Variants in MCUB observed in about 807,000 individuals in gnomAD.
MCUB encodes the protein mitochondrial calcium uniporter dominant negative subunit beta.
A neutral mutation model predicts 41.4 loss-of-function variants in MCUB; 46 were observed. The ratio of observed to expected loss-of-function variants is 1.11; its 90% confidence interval spans 0.88 to 1.42. The LOEUF is 1.42. Ranked by LOEUF, MCUB falls within the 40% of genes most tolerant of loss-of-function variation. The pLI is 0.00. For missense variants in MCUB, 403 were observed against 404.9 expected (o/e 1.00, Z 0.04); for synonymous variants, 148 against 148.2 (o/e 1.00, Z 0.01).
intron 1 of MCUB, among the ~76,000 whole-genome samples, chr4:109,599,337 C>A (rs927150940): frequency 6.6e-6 from 1 of 151,836 alleles, no homozygotes; most frequent in African/African-American, 2.4e-5. Flanking sequence ...GTGTCTTATG[C>A]GATTGAAAAC....
chr4:109,665,590 C>G (rs898144300), intron 4 of MCUB, among the ~76,000 whole-genome samples: 4 of 152,128 alleles, frequency 2.6e-5, no homozygotes, highest in African/African-American at 7.2e-5. Flanking sequence ...CTTTAAATCT[C>G]TAGATTACTT....
At chr4:109,677,604 C>T (rs926550496) in intron 4 of MCUB, among the ~76,000 whole-genome samples, 1 of 152,028 alleles carries the variant, frequency 6.6e-6, no homozygotes, top group Non-Finnish European at 1.5e-5. Flanking sequence ...GGATTAATGT[C>T]GTTATCATGG....
intron 3 of MCUB, among the ~76,000 whole-genome samples, chr4:109,661,059 G>A (rs562555682): frequency 6.6e-6 from 1 of 152,202 alleles, no homozygotes. Flanking sequence ...CAAAAAATTT[G>A]TTCACCACTG....
rs992469446 is a variant in MCUB, at chr4:109,672,514, T to C, written c.451+8120T>C. 7.2e-5 allele frequency among the ~76,000 whole-genome samples: 11 copies of C among 152,188 alleles called. 1 individual carries two copies. Among genetic ancestry groups the C allele is most frequent in the Non-Finnish European group, 1.6e-4 (11 of 68,024 alleles). On this transcript the variant is annotated intron_variant, in intron 4 of 7. Transcript: ENST00000394650. The stretch of plus-strand genomic sequence containing the variant: ...CCCAGTAAGCTATAATTATAGACTG[T>C]TAAGGGTAGGAGGAAGAAATTCATA...
At chr4:109,673,634 G>T (rs1729508450) in intron 4 of MCUB, among the ~76,000 whole-genome samples, 1 of 152,168 alleles carries the variant, frequency 6.6e-6, no homozygotes, top group Non-Finnish European at 1.5e-5. Flanking sequence ...TACAAATTTG[G>T]AGTTTTCAAA....
At chr4:109,659,915 C>T (rs1449376180) in intron 2 of MCUB, among the ~76,000 whole-genome samples, 1 of 152,310 alleles carries the variant, frequency 6.6e-6, no homozygotes, top group East Asian at 1.9e-4. Context: ...ATCTGAGCCT[C>T]CCAAAGTGCT....
At position 109,591,957 on chromosome 4, in the gene MCUB, C is replaced by T. The variant is rs185302005; in HGVS notation, c.99+31521C>T. 3.5e-3 allele frequency among the ~76,000 whole-genome samples: 531 copies of T among 152,230 alleles called. 6 individuals carry two copies. The highest frequency in any genetic ancestry group is 0.013 in the East Asian group (69 of 5,154). On this transcript the variant is annotated intron_variant, in intron 1 of 7. Coordinates refer to ENST00000394650, the MANE Select transcript of MCUB (RefSeq NM_017918.5). ...TCAGGTGATCCACCTGCCTCAGCCA[C>T]CCTAAGTGCTAGGATTACAGGCGTG...
At chr4:109,570,390 T>G (rs1726887528) in intron 1 of MCUB, among the ~76,000 whole-genome samples, 1 of 152,234 alleles carries the variant, frequency 6.6e-6, no homozygotes. Flanking sequence ...TATAAGGAGA[T>G]AGCTGTCATT....
chr4:109,612,582 C>T (rs1728036238), intron 1 of MCUB, among the ~76,000 whole-genome samples: 1 of 152,048 alleles, frequency 6.6e-6, no homozygotes, highest in Non-Finnish European at 1.5e-5. Flanking sequence ...TCTTAAGGGC[C>T]ACTAATCTTA....
rs147072396 is a variant in MCUB, at chr4:109,642,004, A to G, written c.100-17007A>G. Among the ~76,000 whole-genome samples, 1,083 of 152,332 alleles carry G rather than the reference A, an allele frequency of 7.1e-3. 7 individuals are homozygous for G. The highest frequency in any genetic ancestry group is 0.025 in the African/African-American group (1,043 of 41,584). ...AGTTTATGTCTGTATACAAAATTCTATGGTCTAGATGCATAGCTAAAGAAA... is the reference window on the plus strand; with the variant it reads ...AGTTTATGTCTGTATACAAAATTCTGTGGTCTAGATGCATAGCTAAAGAAA... On this transcript the variant is annotated intron_variant, in intron 1 of 7. Transcript: ENST00000394650.
At chr4:109,629,374 T>G (rs540311661) in intron 1 of MCUB, among the ~76,000 whole-genome samples, 1 of 152,268 alleles carries the variant, frequency 6.6e-6, no homozygotes, top group East Asian at 1.9e-4. Context: ...TTAACAACAA[T>G]CAACACAGAA....
chr4:109,610,443 C>T (rs955616344), intron 1 of MCUB, among the ~76,000 whole-genome samples: 30 of 152,182 alleles, frequency 2.0e-4, no homozygotes, highest in Admixed American at 1.3e-4. Context: ...ATAAGCATCT[C>T]ACATCTGGGG....
At chr4:109,628,186 T>A (rs1728403348) in intron 1 of MCUB, among the ~76,000 whole-genome samples, 1 of 151,726 alleles carries the variant, frequency 6.6e-6, no homozygotes, top group Non-Finnish European at 1.5e-5. Flanking sequence ...TAGAAGGGCA[T>A]CCCAGACAGA....
chr4:109,600,398 C>T (rs1056607341), intron 1 of MCUB, among the ~76,000 whole-genome samples: 3 of 152,178 alleles, frequency 2.0e-5, no homozygotes, highest in Non-Finnish European at 4.4e-5. Context: ...CTTACTAGTC[C>T]TTAATGCCTG....
chr4:109,684,360 C>T, intron 5 of MCUB, 83 bp from the exon 6 acceptor site: 1 of 1,175,638 alleles, frequency 8.5e-7, no homozygotes, highest in East Asian at 2.5e-5. Context: ...CCGCGCCCGG[C>T]AAGAGTTCCT....
At chr4:109,567,384 G>A (rs1726806233) in intron 1 of MCUB, among the ~76,000 whole-genome samples, 1 of 151,992 alleles carries the variant, frequency 6.6e-6, no homozygotes, top group Admixed American at 6.5e-5. Flanking sequence ...ATGTGTTCCT[G>A]TGGGGCATGT....
chr4:109,566,410 T>C (rs1428994576), intron 1 of MCUB, among the ~76,000 whole-genome samples: 4 of 150,054 alleles, frequency 2.7e-5, no homozygotes, highest in South Asian at 2.1e-4. Context: ...GCAGAGCTTG[T>C]AGTGAGCCGA....
chr4:109,629,693 A>G (rs1237927029), intron 1 of MCUB, among the ~76,000 whole-genome samples: 1 of 152,234 alleles, frequency 6.6e-6, no homozygotes. Context: ...CAAAGGATAC[A>G]GATGGAGAGA....
chr4:109,674,859 G>A (rs2126149066), intron 4 of MCUB, among the ~76,000 whole-genome samples: 1 of 152,348 alleles, frequency 6.6e-6, no homozygotes, highest in Non-Finnish European at 1.5e-5. Context: ...TTTTAAATGT[G>A]TGTGTTGCTT....
Sources: allele counts gnomAD v4.1 joint callset (sites outside exome capture counted in the v4.1 genomes callset), GRCh38; gene constraint gnomAD v4.1.1; transcripts MANE v1.5; gene names NCBI Gene and HGNC (gene_info 2026-07-23, HGNC 2026-07-21).